ALPK3: variants seen among roughly 807,000 people sequenced by gnomAD.
ALPK3 encodes alpha kinase 3, also known as alpha-protein kinase 3.
ALPK3 carries 102 observed loss-of-function variants against 140.0 expected under a neutral mutation model. The ratio of observed to expected loss-of-function variants is 0.73; its 90% CI spans 0.62 to 0.86. ALPK3 has a LOEUF of 0.86. Ranked by LOEUF, ALPK3 falls within the 40% of genes least tolerant of loss-of-function variation. The probability of loss-of-function intolerance (pLI) is 0.00; values close to 1 mark genes in which losing one functional copy is unlikely to be tolerated. For missense variants in ALPK3, 2,254 were observed against 2,208.2 expected (o/e 1.02, Z -0.42); for synonymous variants, 938 against 898.5 (o/e 1.04, Z -0.79).
At position 84,868,364 on chromosome 15, in the gene ALPK3, G is replaced by A; in HGVS notation, c.5026G>A (p.Ala1676Thr). ...CCGGAAGAGTGCTCCAAGTTCCAAG[G>A]CCACCCCTCAGGCCTCAGAGCCAGT... ...GTRKSAPSSK[A>T]TPQASEPVTT... is the part of the protein sequence containing the mutation. The change falls in exon 14 of 14, where the codon GCC (alanine) becomes ACC (threonine). Residue 1676 changes from alanine (A) to threonine (T), a missense_variant. Transcript: ENST00000258888. The A allele has an allele frequency of 6.2e-7, 1 of 1,614,008 alleles. No individual in the cohort carries two copies. Among genetic ancestry groups the A allele is most frequent in the Non-Finnish European group, 8.5e-7 (1 of 1,180,014 alleles).
chr15:84,821,773 C>T (rs1018182883), intron 1 of ALPK3, among the ~76,000 whole-genome samples: 1 of 152,100 alleles, frequency 6.6e-6, no homozygotes, highest in African/African-American at 2.4e-5. Context: ...CAGTTAAATA[C>T]CCATCGTCTG....
At chr15:84,836,321 T>G (rs1963597311) in intron 3 of ALPK3, among the ~76,000 whole-genome samples, 2 of 152,176 alleles carry the variant, frequency 1.3e-5, no homozygotes, top group African/African-American at 2.4e-5. Flanking sequence ...GGTACCATGA[T>G]CTGACATTAT....
chr15:84,868,434 C>G lies in ALPK3; in HGVS notation c.5096C>G (p.Ser1699Cys). ...LGQPPTQEEG[S>C]KAQGMR Reference sequence around the variant, plus strand: ...CAGCCTCCCACCCAAGAGGAGGGCTCCAAGGCCCAGGGCATGCGGTAGCCT... The same window carrying G: ...CAGCCTCCCACCCAAGAGGAGGGCTGCAAGGCCCAGGGCATGCGGTAGCCT... Residue 1699 changes from serine (S) to cysteine (C), a missense_variant, in exon 14 of 14, where the codon TCC becomes TGC. By Grantham distance (112) the Ser-to-Cys change is moderately radical (BLOSUM62 -1). Around this residue, in one of 3 missense-constraint regions of ALPK3, gnomAD observed 158 missense variants for 159.8 expected, o/e 0.99. Coordinates refer to ENST00000258888, the MANE Select transcript of ALPK3 (RefSeq NM_020778.5). 6.2e-7 allele frequency: 1 copy of G among 1,609,982 alleles called. No individual in the cohort carries two copies. The highest frequency in any genetic ancestry group is 2.2e-5 in the East Asian group (1 of 44,866).
At chr15:84,837,244 C>G (rs1963605602) in intron 3 of ALPK3, among the ~76,000 whole-genome samples, 1 of 152,166 alleles carries the variant, frequency 6.6e-6, no homozygotes, top group African/African-American at 2.4e-5. Flanking sequence ...AAGAAGGACA[C>G]AGTAGAGCAG....
rs1213231786 is a variant in ALPK3, at chr15:84,847,205, CGGGGAG to C, written c.1653+6274_1653+6279del. ...AGAGAGAGAGGAAGGGAGGGAGAAA[CGGGGAG>C]AGAGAGAGAGAGAGAGAGAGAGAGA... is the stretch of plus-strand genomic sequence containing the variant. On this transcript the variant is annotated intron_variant, in intron 5 of 13. Coordinates refer to ENST00000258888, the MANE Select transcript of ALPK3 (RefSeq NM_020778.5). 8.9e-3 allele frequency among the ~76,000 whole-genome samples: 948 copies of C among 106,920 alleles called. 18 individuals are homozygous for C. Among genetic ancestry groups the C allele is most frequent in the African/African-American group, 0.029 (750 of 25,592 alleles). The allele number at this position is 106,920 out of a possible 152,430, so 70.1% of individuals were successfully genotyped here.
chr15:84,849,913 A>G (rs1158697251), intron 5 of ALPK3, among the ~76,000 whole-genome samples: 1 of 151,966 alleles, frequency 6.6e-6, no homozygotes, highest in Non-Finnish European at 1.5e-5. Context: ...TAATGAAACC[A>G]AAAACAGGAA....
intron 1 of ALPK3, among the ~76,000 whole-genome samples, chr15:84,822,966 C>G (rs1031767394): frequency 1.3e-5 from 2 of 152,256 alleles, no homozygotes; most frequent in South Asian, 4.1e-4. Context: ...AGGAGCTTGC[C>G]CCCAGGCTGG....
chr15:84,858,403 G>A lies in ALPK3; in HGVS notation c.3665G>A (p.Ser1222Asn), dbSNP rs1333183260. The A allele has an allele frequency of 6.4e-7, 1 of 1,556,474 alleles. No individual in the cohort carries two copies. Among genetic ancestry groups the A allele is most frequent in the African/African-American group, 1.4e-5 (1 of 73,860 alleles). ...RRSPTQGRKASMLEVPRAEEE... is the reference protein window; with the variant it reads ...RRSPTQGRKANMLEVPRAEEE... ...TCCCCTACGCAGGGCAGAAAGGCGA[G>A]CATGCTGGAGGTGCCTCGGGCAGAG... Residue 1222 changes from serine to asparagine, a missense_variant, in exon 6 of 14, where the codon AGC becomes AAC. Physicochemically the swap from Ser to Asn is conservative, Grantham distance 46 (BLOSUM62 1). This residue lies in a region of ALPK3 where 2,088 missense variants were observed against 2,022.9 expected (regional missense o/e 1.03). Transcript: ENST00000258888.
chr15:84,838,193 C>G (rs1162681325), intron 3 of ALPK3, among the ~76,000 whole-genome samples: 1 of 152,064 alleles, frequency 6.6e-6, no homozygotes, highest in Non-Finnish European at 1.5e-5. Context: ...ATGCTTTAGC[C>G]ATGTTTTCAA....
At chr15:84,836,518 C>T (rs1257982176) in intron 3 of ALPK3, among the ~76,000 whole-genome samples, 2 of 152,114 alleles carry the variant, frequency 1.3e-5, no homozygotes, top group Non-Finnish European at 2.9e-5. Context: ...AGCAAGATTG[C>T]CTGATGGAGT....
intron 1 of ALPK3, among the ~76,000 whole-genome samples, chr15:84,820,643 G>A (rs748771503): frequency 3.4e-4 from 51 of 152,086 alleles, no homozygotes; most frequent in Non-Finnish European, 6.8e-4. Flanking sequence ...CACCGCACCC[G>A]GCTAATTTTT....
intron 3 of ALPK3, among the ~76,000 whole-genome samples, chr15:84,831,909 T>G (rs1242724999): frequency 6.6e-6 from 1 of 152,224 alleles, no homozygotes; most frequent in Non-Finnish European, 1.5e-5. Flanking sequence ...CTGGGAGTTA[T>G]GCAGATCAGA....
chr15:84,850,885 C>T lies in ALPK3; in HGVS notation c.1654-5507C>T, dbSNP rs1347496654. On this transcript the variant is annotated intron_variant, in intron 5 of 13. Transcript: ENST00000258888. ...CTTTACACAGTTCCAGATATACACACACACACACACACACACACACACACA... is the reference window on the plus strand; with the variant it reads ...CTTTACACAGTTCCAGATATACACATACACACACACACACACACACACACA... 1.8e-3 allele frequency among the ~76,000 whole-genome samples: 270 copies of T among 149,156 alleles called. 1 individual carries two copies. Among genetic ancestry groups the T allele is most frequent in the African/African-American group, 6.4e-3 (256 of 39,768 alleles).
rs773881733 is a variant in ALPK3, at chr15:84,868,253, G to A, written c.4915G>A (p.Gly1639Ser). 6.2e-7 allele frequency: 1 copy of A among 1,614,182 alleles called. No individual in the cohort carries two copies. Among genetic ancestry groups the A allele is most frequent in the African/African-American group, 1.3e-5 (1 of 75,042 alleles). ...EAAHPQAKAK[G>S]SKSPSAGRKG... ...GGCCCACCCCCAAGCCAAAGCCAAA[G>A]GCTCTAAGAGTCCATCTGCTGGCAG... Residue 1639 changes from glycine (G) to serine (S), a missense_variant, in exon 14 of 14, where the codon GGC becomes AGC. By Grantham distance (56) the Gly-to-Ser change is moderately conservative. This residue lies in a region of ALPK3 where 158 missense variants were observed against 159.8 expected (regional missense o/e 0.99). Transcript: ENST00000258888.
In ALPK3 at chr15:84,863,583, A is replaced by G; in HGVS notation, c.4442A>G (p.Tyr1481Cys). Residue 1481 changes from tyrosine to cysteine, a missense_variant, in exon 11 of 14, where the codon TAC (tyrosine) becomes TGC (cysteine). This residue lies in a region of ALPK3 where 2,088 missense variants were observed against 2,022.9 expected (regional missense o/e 1.03). Coordinates refer to ENST00000258888, the MANE Select transcript of ALPK3 (RefSeq NM_020778.5). ...GCKIQNMSRE[Y>C]CKIFAAEARA... ...AAGATCCAGAACATGAGTCGGGAGT[A>G]CTGCAAAATCTTCGCAGCAGAAGCC... is the stretch of plus-strand genomic sequence containing the variant. 1 of 1,614,108 alleles carries G rather than the reference A, an allele frequency of 6.2e-7. No individual in the cohort carries two copies. Among genetic ancestry groups the G allele is most frequent in the Non-Finnish European group, 8.5e-7 (1 of 1,179,988 alleles).
intron 5 of ALPK3, among the ~76,000 whole-genome samples, chr15:84,844,337 G>A (rs1243319895): frequency 1.3e-5 from 2 of 152,216 alleles, no homozygotes; most frequent in East Asian, 3.9e-4. Flanking sequence ...AACCTGGGAA[G>A]CAGAGGTTGC....
At chr15:84,866,307 T>C (rs537437164) in intron 12 of ALPK3, among the ~76,000 whole-genome samples, 1 of 152,342 alleles carries the variant, frequency 6.6e-6, no homozygotes, top group Admixed American at 6.5e-5. Context: ...GTCCTACACA[T>C]ATTATGATTT....
chr15:84,847,444 A>G (rs1033508197), intron 5 of ALPK3, among the ~76,000 whole-genome samples: 2 of 152,188 alleles, frequency 1.3e-5, no homozygotes, highest in Non-Finnish European at 2.9e-5. Flanking sequence ...TAAACAGGAA[A>G]AGCCCATAGA....
chr15:84,867,274 C>A (rs1352362686), intron 12 of ALPK3, 43 bp from the exon 13 acceptor site: 6 of 1,608,454 alleles, frequency 3.7e-6, no homozygotes, highest in Non-Finnish European at 5.1e-6. Context: ...GGGCTTAGAG[C>A]CAGCCCAGAC....
Sources: gnomAD v4.1 joint callset for allele counts (sites outside exome capture counted in the v4.1 genomes callset) on GRCh38, gnomAD v4.1.1 for gene constraint, gnomAD v4.1.1 regional missense constraint, MANE v1.5 for transcripts, NCBI Gene and HGNC (gene_info 2026-07-23, HGNC 2026-07-21) for gene names.